Variants in TMEM131 observed in about 807,000 individuals in gnomAD.
The protein encoded by TMEM131 is transmembrane protein 131, also known as 2610524E03Rik.
Under a neutral mutation model 211.6 loss-of-function variants are expected in TMEM131, and 66 were observed. The observed-to-expected ratio is 0.31, with a 90% CI of 0.26 to 0.38. The LOEUF is 0.38. TMEM131 is among the 10% of genes least tolerant of loss of function. The pLI, the probability that TMEM131 is intolerant of heterozygous loss-of-function variation, is 1.00. For missense variants in TMEM131, 2,036 were observed against 2,299.3 expected (o/e 0.89, Z 2.34); for synonymous variants, 844 against 841.3 (o/e 1.00, Z -0.06).
In TMEM131 at chr2:97,758,960, T is replaced by C. The variant is rs1440554717; in HGVS notation, c.5300A>G (p.Glu1767Gly). ...EFNSGPSYLW[E>G]SPATDPSPSW... is the part of the protein sequence containing the mutation. ...AGGACTGGGATCTGTCGCTGGCGAC[T>C]CCCAAAGGTATGAAGGGCCACTATT... Residue 1767 changes from glutamate to glycine, a missense_variant, in exon 40 of 41, where the codon GAG (glutamate) becomes GGG (glycine). By Grantham distance (98) the Glu-to-Gly change is moderately conservative. This residue lies in a region of TMEM131 where 1,623 missense variants were observed against 1,805.9 expected (regional missense o/e 0.90). Transcript: ENST00000186436. The C allele has an allele frequency of 1.9e-6, 3 of 1,614,066 alleles. No homozygotes were observed. In the South Asian group the frequency reaches 3.3e-5, roughly 18 times the overall value.
chr2:97,965,744 A>C, intron 1 of TMEM131, among the ~76,000 whole-genome samples: 1 of 151,968 alleles, frequency 6.6e-6, no homozygotes, highest in East Asian at 1.9e-4. Flanking sequence ...AAAAATCTGA[A>C]GAAATTCTCC....
At chr2:97,858,686 T>C (rs531273138) in intron 5 of TMEM131, among the ~76,000 whole-genome samples, 1 of 152,264 alleles carries the variant, frequency 6.6e-6, no homozygotes, top group South Asian at 2.1e-4. Flanking sequence ...GCGCTGTTGC[T>C]GGCTTGAAGA....
intron 5 of TMEM131, among the ~76,000 whole-genome samples, chr2:97,844,624 T>C (rs61377185): frequency 1.3e-5 from 2 of 152,292 alleles, no homozygotes; most frequent in African/African-American, 2.4e-5. Flanking sequence ...TACTAAGCAG[T>C]GACTTGTTTT....
In TMEM131 at chr2:97,760,577, T is replaced by C; in HGVS notation, c.5108+16A>G. ...AGCCTTCCGTCTTTCTAGCGGTTAGTGGTGGTCTACCGTACCTGTCTGAGC... is the reference window on the plus strand; with the variant it reads ...AGCCTTCCGTCTTTCTAGCGGTTAGCGGTGGTCTACCGTACCTGTCTGAGC... On this transcript the variant is annotated intron_variant, in intron 38 of 40. Transcript: ENST00000186436. The C allele has an allele frequency of 6.2e-7, 1 of 1,602,264 alleles. No individual in the cohort carries two copies. The highest frequency in any genetic ancestry group is 1.3e-5 in the African/African-American group (1 of 74,838).
At position 97,894,735 on chromosome 2, in the gene TMEM131, T is replaced by C. The variant is rs746277564; in HGVS notation, c.291-6615A>G. Reference sequence around the variant, plus strand: ...TGCACAGTGAAGTATCCTGAGACTTTGCTGAAGTTGCTTATCAGCTTAAGG... The same window carrying C: ...TGCACAGTGAAGTATCCTGAGACTTCGCTGAAGTTGCTTATCAGCTTAAGG... On this transcript the variant is annotated intron_variant, in intron 3 of 40. Transcript: ENST00000186436. 2.0e-5 allele frequency among the ~76,000 whole-genome samples: 3 copies of C among 152,232 alleles called. No homozygotes were observed. In the East Asian group the frequency reaches 5.8e-4, roughly 29 times the overall value.
chr2:97,827,179 C>A, intron 11 of TMEM131: 1 of 645,090 alleles, frequency 1.6e-6, no homozygotes, highest in East Asian at 2.8e-5. Flanking sequence ...CAAGGCAGCC[C>A]AGTTTCGTGA....
At chr2:97,794,808 C>CA in intron 29 of TMEM131, 122 bp downstream of exon 29, 1 of 740,862 alleles carries the variant, frequency 1.3e-6, no homozygotes. Context: ...TTGATAAAGG[C>CA]AGAGTTCTGT....
chr2:97,829,841 G>A (rs1356749721), intron 11 of TMEM131, among the ~76,000 whole-genome samples: 1 of 152,188 alleles, frequency 6.6e-6, no homozygotes, highest in Non-Finnish European at 1.5e-5. Flanking sequence ...AGAAGTGGGA[G>A]TTCATCAACA....
chr2:97,855,051 C>T (rs1378700777), intron 5 of TMEM131, among the ~76,000 whole-genome samples: 3 of 152,142 alleles, frequency 2.0e-5, no homozygotes, highest in African/African-American at 7.2e-5. Context: ...CCCAAACTCC[C>T]CAGAGTATGT....
At chr2:97,832,004 C>CAAAAAAAAAAAAAAAAAAA (rs770432398) in intron 11 of TMEM131, among the ~76,000 whole-genome samples, 1 of 60,266 alleles carries the variant, frequency 1.7e-5, no homozygotes, top group Non-Finnish European at 2.9e-5. Context: ...AAGTCACTTC[C>CAAAAAAAAAAAAAAAAAAA]AAAAAAAAAA....
rs1242645439 is a variant in TMEM131 at position 97,995,759 on chromosome 2, G to A, written c.-97C>T. Reference sequence around the variant, plus strand: ...AGCCGTGGTCCGGGCTCTGGCCGCGGCGCCGGGAGCGACAACGGTTGCGAG... The same window carrying A: ...AGCCGTGGTCCGGGCTCTGGCCGCGACGCCGGGAGCGACAACGGTTGCGAG... On this transcript the variant is annotated 5_prime_UTR_variant, in exon 1 of 41. Transcript: ENST00000186436. 12 of 946,850 alleles carry A rather than the reference G, an allele frequency of 1.3e-5. No homozygotes were observed. Among genetic ancestry groups the A allele is most frequent in the Non-Finnish European group, 1.6e-5 (12 of 759,738 alleles). 58.7% of individuals were successfully genotyped at this position (946,850 alleles called of 1,614,324 possible).
chr2:97,994,104 A>C (rs1680379840), intron 1 of TMEM131, among the ~76,000 whole-genome samples: 1 of 152,212 alleles, frequency 6.6e-6, no homozygotes, highest in Non-Finnish European at 1.5e-5. Flanking sequence ...ATGTCCATTA[A>C]ATTACTGCAC....
At chr2:97,804,251 T>C (rs574698276) in intron 22 of TMEM131, among the ~76,000 whole-genome samples, 1 of 152,276 alleles carries the variant, frequency 6.6e-6, no homozygotes, top group South Asian at 2.1e-4. Context: ...ATTTTTTGTT[T>C]TTGAATCTGG....
intron 2 of TMEM131, among the ~76,000 whole-genome samples, chr2:97,917,174 T>C (rs973457557): frequency 1.3e-5 from 2 of 152,124 alleles, no homozygotes; most frequent in Non-Finnish European, 2.9e-5. Flanking sequence ...GCAAATAAAG[T>C]TTTATGCCCA....
At chr2:97,985,679 A>G (rs907446637) in intron 1 of TMEM131, among the ~76,000 whole-genome samples, 2 of 152,060 alleles carry the variant, frequency 1.3e-5, no homozygotes, top group African/African-American at 2.4e-5. Context: ...AGACATATAC[A>G]TGAGAAAAAA....
chr2:97,876,322 C>A (rs1007117082), intron 4 of TMEM131, among the ~76,000 whole-genome samples: 2 of 152,044 alleles, frequency 1.3e-5, no homozygotes, highest in African/African-American at 4.8e-5. Context: ...TTCCAAACAA[C>A]AGAAAAAGAG....
Position 97,841,912 on chromosome 2 carries a change from G to A in TMEM131, c.626C>T (p.Pro209Leu). Residue 209 changes from proline (P) to leucine (L), a missense_variant, in exon 7 of 41, where the codon CCA becomes CTA. Pro to Leu is a moderately conservative substitution (Grantham distance 98, BLOSUM62 -3). This residue lies in a region of TMEM131 where 277 missense variants were observed against 378.0 expected (regional missense o/e 0.73). Coordinates refer to ENST00000186436, the MANE Select transcript of TMEM131 (RefSeq NM_015348.2). The part of the protein sequence containing the change: ...YQVFGVGVPN[P>L]YRLRPFLGAR... ...CCCAAGGAACGGCCTCAATCGATATGGATTTGGAACTCCAACACCAAATAC... is the reference window on the plus strand; with the variant it reads ...CCCAAGGAACGGCCTCAATCGATATAGATTTGGAACTCCAACACCAAATAC... The A allele has an allele frequency of 1.3e-6, 2 of 1,584,992 alleles. No individual in the cohort carries two copies. Among genetic ancestry groups the A allele is most frequent in the South Asian group, 2.3e-5 (2 of 85,924 alleles).
At chr2:97,986,112 C>G (rs1202324889) in intron 1 of TMEM131, among the ~76,000 whole-genome samples, 1 of 152,056 alleles carries the variant, frequency 6.6e-6, no homozygotes, top group Non-Finnish European at 1.5e-5. Context: ...ACTGATCAAA[C>G]ACAAATACAA....
chr2:97,933,858 A>AT (rs1677331419), intron 1 of TMEM131, among the ~76,000 whole-genome samples: 1 of 152,188 alleles, frequency 6.6e-6, no homozygotes, highest in Non-Finnish European at 1.5e-5. Flanking sequence ...CCTCTTCATG[A>AT]TAAAAACTCT....
Sources: gnomAD v4.1 joint callset for allele counts (sites outside exome capture counted in the v4.1 genomes callset) on GRCh38, gnomAD v4.1.1 for gene constraint, gnomAD v4.1.1 regional missense constraint, MANE v1.5 for transcripts, NCBI Gene and HGNC (gene_info 2026-07-23, HGNC 2026-07-21) for gene names.